The following USP15 variants were observed in gnomAD, a reference collection of about 807,000 sequenced individuals.
USP15 encodes ubiquitin specific peptidase 15.
In USP15, 18 loss-of-function variants were observed where a neutral mutation model predicts 127.1. The ratio of observed to expected loss-of-function variants is 0.14; its 90% CI spans 0.10 to 0.21. The LOEUF is 0.21. Ranked by LOEUF, USP15 falls within the 10% of genes least tolerant of loss-of-function variation. The pLI is 1.00. For synonymous variants in USP15, 364 were observed against 393.7 expected, an observed-to-expected ratio of 0.92 and a Z score of 0.89; for missense variants, 805 against 1,159.9, an observed-to-expected ratio of 0.69 and a Z score of 4.44.
At chr12:62,344,104 C>A (rs2065736186) in intron 6 of USP15, among the ~76,000 whole-genome samples, 1 of 152,148 alleles carries the variant, frequency 6.6e-6, no homozygotes. Flanking sequence ...TCCCAACAGT[C>A]CCCTAAAGTC....
intron 1 of USP15, among the ~76,000 whole-genome samples, chr12:62,286,584 C>G (rs957535923): frequency 1.3e-4 from 20 of 152,086 alleles, no homozygotes; most frequent in African/African-American, 4.8e-4. Flanking sequence ...CAGTACTGTT[C>G]ACAATAGTAA....
At chr12:62,393,270 T>C (rs1465602816) in intron 19 of USP15, 68 bp downstream of exon 19, 2 of 1,550,022 alleles carry the variant, frequency 1.3e-6, no homozygotes, top group Non-Finnish European at 1.7e-6. Context: ...TGCTTTTTGT[T>C]ATTATCCTTT....
intron 8 of USP15, among the ~76,000 whole-genome samples, chr12:62,358,769 C>T (rs1311218638): frequency 2.0e-5 from 3 of 151,944 alleles, no homozygotes; most frequent in African/African-American, 2.4e-5. Context: ...TAAAACAATG[C>T]AGTATAACAA....
intron 3 of USP15, 119 bp downstream of exon 3, chr12:62,303,039 A>G: frequency 1.7e-6 from 2 of 1,156,872 alleles, no homozygotes; most frequent in South Asian, 3.1e-5. Flanking sequence ...CCAGCAAAAT[A>G]ACCGTACACT....
intron 1 of USP15, among the ~76,000 whole-genome samples, chr12:62,269,151 T>G (rs983499241): frequency 6.6e-6 from 1 of 152,070 alleles, no homozygotes; most frequent in Non-Finnish European, 1.5e-5. Context: ...GAGAAATGTA[T>G]GGTTAGGCAA....
chr12:62,396,742 T>A (rs2067503314), intron 20 of USP15, among the ~76,000 whole-genome samples: 1 of 152,214 alleles, frequency 6.6e-6, no homozygotes, highest in Non-Finnish European at 1.5e-5. Flanking sequence ...TAATTGGTAC[T>A]GTGCTGTAGA....
chr12:62,312,892 CCATT>C (rs2064724621), intron 3 of USP15, among the ~76,000 whole-genome samples: 2 of 151,466 alleles, frequency 1.3e-5, no homozygotes, highest in Non-Finnish European at 3.0e-5. Flanking sequence ...CTACATGTGA[CCATT>C]ACACATTGAT....
intron 1 of USP15, among the ~76,000 whole-genome samples, chr12:62,273,253 A>G (rs1299765461): frequency 6.6e-6 from 1 of 151,854 alleles, no homozygotes; most frequent in Non-Finnish European, 1.5e-5. Context: ...ATTTTCATTT[A>G]TTCTATATAG....
chr12:62,381,196 C>T (rs2066980329), intron 8 of USP15, among the ~76,000 whole-genome samples: 2 of 152,096 alleles, frequency 1.3e-5, no homozygotes, highest in South Asian at 4.1e-4. Flanking sequence ...GGAAAGAAAA[C>T]TGAGCTTCTC....
chr12:62,377,365 A>G (rs936005184), intron 8 of USP15, among the ~76,000 whole-genome samples: 4 of 152,206 alleles, frequency 2.6e-5, no homozygotes, highest in Admixed American at 6.5e-5. Flanking sequence ...TCATGTGAAA[A>G]TGTTAAATAA....
At chr12:62,306,842 C>T (rs1209946974) in intron 3 of USP15, among the ~76,000 whole-genome samples, 1 of 152,054 alleles carries the variant, frequency 6.6e-6, no homozygotes, top group African/African-American at 2.4e-5. Context: ...CTGTAAGTTA[C>T]CTCAGAAAAA....
At chr12:62,295,103 G>T (rs2064089424) in intron 2 of USP15, among the ~76,000 whole-genome samples, 1 of 152,108 alleles carries the variant, frequency 6.6e-6, no homozygotes, top group Non-Finnish European at 1.5e-5. Context: ...ATACCAGAAA[G>T]TAGTGAGTAG....
chr12:62,285,599 G>T (rs904796464), intron 1 of USP15, among the ~76,000 whole-genome samples: 1 of 152,020 alleles, frequency 6.6e-6, no homozygotes, highest in Non-Finnish European at 1.5e-5. Flanking sequence ...AAAAAACATG[G>T]TTTTATTCTT....
intron 7 of USP15, 112 bp downstream of exon 7, chr12:62,349,419 T>G (rs1465727996): frequency 1.6e-6 from 1 of 617,042 alleles, no homozygotes; most frequent in East Asian, 3.4e-5. Context: ...TAAAATTGGT[T>G]TTCTTTTAAA....
At chr12:62,398,400 A>G (rs140334628) in intron 20 of USP15, among the ~76,000 whole-genome samples, 3 of 152,298 alleles carry the variant, frequency 2.0e-5, no homozygotes, top group Admixed American at 1.3e-4. Context: ...CTTGAATTGA[A>G]TGCTTAGCTT....
At chr12:62,299,674 A>G (rs952096405) in intron 2 of USP15, among the ~76,000 whole-genome samples, 1 of 152,224 alleles carries the variant, frequency 6.6e-6, no homozygotes, top group Non-Finnish European at 1.5e-5. Context: ...TCTAATGGGT[A>G]GATACCTAGA....
intron 7 of USP15, among the ~76,000 whole-genome samples, chr12:62,349,679 A>C (rs1592644563): frequency 6.6e-6 from 1 of 152,098 alleles, no homozygotes; most frequent in African/African-American, 2.4e-5. Context: ...AGTGATTCTC[A>C]AGTGGAAAGC....
At chr12:62,362,628 T>G (rs1237333463) in intron 8 of USP15, among the ~76,000 whole-genome samples, 1 of 152,188 alleles carries the variant, frequency 6.6e-6, no homozygotes, top group Non-Finnish European at 1.5e-5. Context: ...TTTTTTCAAG[T>G]AATTCATAAG....
chr12:62,403,480 A>C (rs1321196868), intron 21 of USP15, among the ~76,000 whole-genome samples: 1 of 152,094 alleles, frequency 6.6e-6, no homozygotes, highest in Non-Finnish European at 1.5e-5. Flanking sequence ...CACCCATTTC[A>C]GTTGTTTATT....
Sources: gnomAD v4.1 joint callset for allele counts (sites outside exome capture counted in the v4.1 genomes callset) on GRCh38, gnomAD v4.1.1 for gene constraint, MANE v1.5 for transcripts, NCBI Gene and HGNC (gene_info 2026-07-23, HGNC 2026-07-21) for gene names.